Variants in DAB1 observed in about 807,000 individuals in gnomAD.
DAB1 encodes disabled homolog 1.
In DAB1, 15 loss-of-function variants were observed where a neutral mutation model predicts 64.6. That is an observed-to-expected ratio of 0.23 (90% confidence interval 0.16 to 0.36). DAB1 has a LOEUF of 0.36. Among genes scored for constraint, DAB1 ranks in the 10% least tolerant of loss-of-function variants. DAB1 has a pLI of 1.00. For synonymous variants in DAB1, 235 were observed against 251.9 expected (o/e 0.93, Z 0.64); for missense variants, 596 against 706.7 (o/e 0.84, Z 1.78).
At chr1:58,324,013 T>C (rs1201556863) in intron 4 of DAB1, among the ~76,000 whole-genome samples, 3 of 151,980 alleles carry the variant, frequency 2.0e-5, no homozygotes, top group Non-Finnish European at 4.4e-5. Flanking sequence ...AAGAGTTACA[T>C]TTCAAAATTT....
At chr1:57,317,074 C>T (rs1675273247) in intron 1 of DAB1, among the ~76,000 whole-genome samples, 1 of 152,192 alleles carries the variant, frequency 6.6e-6, no homozygotes, top group Non-Finnish European at 1.5e-5. Flanking sequence ...CATTAGCTTG[C>T]TCTGATGGAA....
At chr1:57,612,362 T>C (rs1360112549) in intron 7 of DAB1, among the ~76,000 whole-genome samples, 4 of 152,154 alleles carry the variant, frequency 2.6e-5, no homozygotes, top group Non-Finnish European at 5.9e-5. Context: ...AAACGTACTT[T>C]GCAGATATGA....
intron 7 of DAB1, among the ~76,000 whole-genome samples, chr1:57,586,040 C>T (rs925090071): frequency 9.2e-5 from 14 of 152,024 alleles, no homozygotes; most frequent in African/African-American, 2.7e-4. Flanking sequence ...AATAACCATA[C>T]GTTCTCACAT....
chr1:57,488,000 T>C (rs541475952), intron 7 of DAB1, among the ~76,000 whole-genome samples: 7 of 152,346 alleles, frequency 4.6e-5, no homozygotes, highest in East Asian at 1.9e-4. Context: ...CTAAATCTTA[T>C]ATTGCTATTG....
chr1:57,742,978 G>A (rs1266380569), intron 6 of DAB1, among the ~76,000 whole-genome samples: 2 of 152,116 alleles, frequency 1.3e-5, no homozygotes, highest in Non-Finnish European at 2.9e-5. Flanking sequence ...TACACAGGGA[G>A]GTGTGTATGC....
intron 5 of DAB1, among the ~76,000 whole-genome samples, chr1:58,127,066 G>T (rs1270527881): frequency 6.6e-6 from 1 of 150,798 alleles, no homozygotes; most frequent in African/African-American, 2.5e-5. Context: ...CTAGTTTACA[G>T]TCCCACCAAC....
intron 3 of DAB1, among the ~76,000 whole-genome samples, chr1:57,143,468 T>G (rs1658807079): frequency 6.6e-6 from 1 of 152,210 alleles, no homozygotes; most frequent in Admixed American, 6.5e-5. Flanking sequence ...CACTAACTTC[T>G]TCCAAGGTGA....
intron 6 of DAB1, among the ~76,000 whole-genome samples, chr1:57,709,786 C>T (rs1429013494): frequency 2.0e-5 from 3 of 152,092 alleles, no homozygotes; most frequent in Admixed American, 2.0e-4. Flanking sequence ...TTTTATTATG[C>T]AGATGGGTTC....
Position 57,015,309 on chromosome 1 carries a change from C to T in DAB1, c.1018G>A (p.Ala340Thr), listed in dbSNP as rs545144491. Residue 340 changes from alanine to threonine, a missense_variant, in exon 12 of 15, where the codon GCA (alanine) becomes ACA (threonine). Transcript: ENST00000371236. ...GGAAAGAGACCCGGCTGGCCCCATG[C>T]GATGGGCTGAGCCCCCGGCATCACC... Reference protein sequence around the residue: ...AQVMPGAQPIAWGQPGLFPAT... With the variant: ...AQVMPGAQPITWGQPGLFPAT... 25 of 1,614,078 alleles carry T rather than the reference C, an allele frequency of 1.5e-5. No homozygotes were observed. The highest frequency in any genetic ancestry group is 1.6e-4 in the Middle Eastern group (1 of 6,062).
At chr1:57,391,725 C>T (rs1682372257) in intron 1 of DAB1, among the ~76,000 whole-genome samples, 1 of 150,168 alleles carries the variant, frequency 6.7e-6, no homozygotes, top group African/African-American at 2.4e-5. Flanking sequence ...TGCCCTAATC[C>T]ATCTGTGCAT....
At chr1:57,063,142 T>C (rs1475663498) in intron 8 of DAB1, among the ~76,000 whole-genome samples, 199 bp from the exon 9 acceptor site, 3 of 151,542 alleles carry the variant, frequency 2.0e-5, no homozygotes, top group East Asian at 1.9e-4. Flanking sequence ...GGACAGGGAG[T>C]GGGCATCATT....
At chr1:57,336,581 A>G (rs979004368) in intron 1 of DAB1, among the ~76,000 whole-genome samples, 1 of 152,222 alleles carries the variant, frequency 6.6e-6, no homozygotes, top group African/African-American at 2.4e-5. Context: ...TCTACACAAC[A>G]GCTCTAGTAG....
At chr1:58,349,602 T>C (rs1286057639) in intron 3 of DAB1, among the ~76,000 whole-genome samples, 2 of 151,970 alleles carry the variant, frequency 1.3e-5, no homozygotes, top group African/African-American at 4.8e-5. Flanking sequence ...ATGCTATCCC[T>C]CCCCTAGACG....
intron 7 of DAB1, among the ~76,000 whole-genome samples, chr1:57,612,223 G>C (rs915951839): frequency 6.6e-6 from 1 of 151,872 alleles, no homozygotes; most frequent in East Asian, 1.9e-4. Context: ...GTGTGTGCAT[G>C]TGTGTGCGTG....
chr1:58,456,847 G>A (rs1201421582), intron 3 of DAB1, among the ~76,000 whole-genome samples: 1 of 152,084 alleles, frequency 6.6e-6, no homozygotes, highest in Non-Finnish European at 1.5e-5. Flanking sequence ...TGAAGCTATG[G>A]GCATTGGTAT....
chr1:58,543,139 G>C (rs1457057754), intron 1 of DAB1, among the ~76,000 whole-genome samples: 1 of 152,182 alleles, frequency 6.6e-6, no homozygotes, highest in Non-Finnish European at 1.5e-5. Flanking sequence ...ACTTAATTGA[G>C]CTTCATGAGC....
intron 3 of DAB1, among the ~76,000 whole-genome samples, chr1:58,472,296 G>C (rs1200094413): frequency 6.6e-6 from 1 of 152,210 alleles, no homozygotes; most frequent in Admixed American, 6.5e-5. Flanking sequence ...CCTCAGTCCT[G>C]AATAGGAGTA....
At chr1:58,339,395 T>C (rs1049234212) in intron 4 of DAB1, among the ~76,000 whole-genome samples, 2 of 152,196 alleles carry the variant, frequency 1.3e-5, no homozygotes, top group African/African-American at 4.8e-5. Flanking sequence ...AGCTTATATT[T>C]GGCAGGGGGA....
At chr1:57,759,860 G>A (rs536526431) in intron 6 of DAB1, among the ~76,000 whole-genome samples, 1 of 152,226 alleles carries the variant, frequency 6.6e-6, no homozygotes, top group South Asian at 2.1e-4. Context: ...GTGCAGGCAG[G>A]TAACAATTAT....
Sources: gnomAD v4.1 joint callset for allele counts (sites outside exome capture counted in the v4.1 genomes callset) on GRCh38, gnomAD v4.1.1 for gene constraint, MANE v1.5 for transcripts, NCBI Gene and HGNC (gene_info 2026-07-23, HGNC 2026-07-21) for gene names.